LGI2: variants seen among roughly 807,000 people sequenced by gnomAD.
LGI2 encodes leucine-rich repeat LGI family member 2.
A neutral mutation model predicts 52.0 loss-of-function variants in LGI2; 30 were observed. That is an observed-to-expected ratio of 0.58 (90% CI 0.43 to 0.78). The LOEUF (loss-of-function observed/expected upper bound fraction) is 0.78. Ranked by LOEUF, LGI2 falls within the 30% of genes least tolerant of loss-of-function variation. The pLI is 0.00. For synonymous variants in LGI2, 270 were observed against 271.8 expected, an observed-to-expected ratio of 0.99 and a Z score of 0.06; for missense variants, 573 against 692.5, an observed-to-expected ratio of 0.83 and a Z score of 1.94.
downstream of LGI2, among the ~76,000 whole-genome samples, chr4:24,996,567 C>T (rs893466989): frequency 1.3e-5 from 2 of 152,146 alleles, no homozygotes; most frequent in African/African-American, 2.4e-5. Context: ...AGCTGGGGCC[C>T]GGGACAAGCA....
At chr4:25,029,621 G>C (rs1560296536) in intron 1 of LGI2, among the ~76,000 whole-genome samples, 1 of 152,344 alleles carries the variant, frequency 6.6e-6, no homozygotes, top group South Asian at 2.1e-4. Context: ...TGTGAGAGCT[G>C]GTCATTTGGC....
chr4:24,995,740 G>T (rs960502791), downstream of LGI2, among the ~76,000 whole-genome samples: 3 of 152,210 alleles, frequency 2.0e-5, no homozygotes, highest in African/African-American at 7.2e-5. Context: ...CTTGAAGGGA[G>T]GGGCACCAAA....
Position 25,004,215 on chromosome 4 carries a change from C to A in LGI2, c.874G>T (p.Val292Leu), listed in dbSNP as rs779121137. 4 of 1,614,116 alleles carry A rather than the reference C, an allele frequency of 2.5e-6. No individual in the cohort carries two copies. Among genetic ancestry groups the A allele is most frequent in the Non-Finnish European group, 3.4e-6 (4 of 1,180,016 alleles). ...GAGCCACCGAAGAGCTGGGCTACCA[C>A]CACAAAGACCTGATCATCGATGAGA... ...AILIDDQVFV[V>L]VAQLFGGSHI... Residue 292 changes from valine to leucine, a missense_variant, in exon 8 of 8, where the codon GTG becomes TTG. Transcript: ENST00000382114. This position sits in a 1 kb window ranked among gnomAD's most constrained non-coding sequence, Gnocchi z 4.6.
rs12648019 is a variant in LGI2 at position 25,000,986 on chromosome 4, A to T, written c.*2465T>A. The T allele has an allele frequency of 0.47, 71,790 of 151,722 alleles. 17,455 individuals carry two copies. Among genetic ancestry groups the T allele is most frequent in the East Asian group, 0.77 (3,965 of 5,152 alleles). The allele number at this position is 151,722 out of a possible 1,614,324, so 9.4% of individuals were successfully genotyped here. On this transcript the variant is annotated 3_prime_UTR_variant, in exon 8 of 8. Coordinates refer to ENST00000382114, the MANE Select transcript of LGI2 (RefSeq NM_018176.4). ...GGCCAGAACAAATATCTCCTTCCAC[A>T]GCACAGGCGCTCTGTAGACTACAGG...
At chr4:25,010,334 C>A (rs1013571619) in intron 7 of LGI2, among the ~76,000 whole-genome samples, 1 of 152,074 alleles carries the variant, frequency 6.6e-6, no homozygotes, top group Admixed American at 6.5e-5. Flanking sequence ...CAAGGTCAAC[C>A]TGGGAGAGAA....
the LGI2 span, among the ~76,000 whole-genome samples, chr4:24,993,301 G>C: frequency 6.6e-6 from 1 of 152,140 alleles, no homozygotes; most frequent in Non-Finnish European, 1.5e-5. Context: ...CTTCAGCTGT[G>C]TGACCCGGGG....
intron 4 of LGI2, among the ~76,000 whole-genome samples, chr4:25,021,496 C>CG (rs1420407424): frequency 1.3e-5 from 2 of 152,164 alleles, no homozygotes; most frequent in East Asian, 3.8e-4. Flanking sequence ...TCCGTAAGCA[C>CG]GGGGGTGAAC....
chr4:25,026,943 AAAGT>A lies in LGI2; in HGVS notation c.270-8_270-5del. The A allele has an allele frequency of 6.2e-7, 1 of 1,608,296 alleles. No individual in the cohort carries two copies. The highest frequency in any genetic ancestry group is 8.5e-7 in the Non-Finnish European group (1 of 1,174,660). On this transcript the variant is annotated splice_polypyrimidine_tract_variant and splice_region_variant and intron_variant, in intron 2 of 7. Coordinates refer to ENST00000382114, the MANE Select transcript of LGI2 (RefSeq NM_018176.4). ...GAATGAGTTAGAATTCAGCAATCTG[AAAGT>A]AAGAGACAGATTCCAATGGAGAGAT...
downstream of LGI2, among the ~76,000 whole-genome samples, chr4:24,994,546 A>G (rs2109394497): frequency 6.6e-6 from 1 of 152,162 alleles, no homozygotes; most frequent in African/African-American, 2.4e-5. Flanking sequence ...ACACGCTAAA[A>G]CCAATCTCAC....
At chr4:25,026,596 C>T (rs1726158767) in intron 3 of LGI2, among the ~76,000 whole-genome samples, 1 of 152,152 alleles carries the variant, frequency 6.6e-6, no homozygotes, top group African/African-American at 2.4e-5. Context: ...TCCAATTGTG[C>T]TTACTACATG....
chr4:25,004,570 T>C lies in LGI2; in HGVS notation c.821-302A>G, dbSNP rs1170165003. 1.3e-5 allele frequency among the ~76,000 whole-genome samples: 2 copies of C among 152,206 alleles called. No homozygotes were observed. The highest frequency in any genetic ancestry group is 2.9e-5 in the Non-Finnish European group (2 of 68,032). ...TGATGAAACCTCATCTCCAATGTGA[T>C]GGTATTTGGTGGTGGGGCCTTTGGG... On this transcript the variant is annotated intron_variant, in intron 7 of 7. Transcript: ENST00000382114. The surrounding 1 kb of genome is among the most constrained non-coding windows in gnomAD (Gnocchi z 4.6).
intron 6 of LGI2, 101 bp from the exon 7 acceptor site, chr4:25,012,600 T>G: frequency 8.0e-7 from 1 of 1,249,286 alleles, no homozygotes; most frequent in Admixed American, 2.0e-5. Flanking sequence ...TGAAAAGGAC[T>G]GGGGAGGAGG....
At chr4:25,021,956 C>A (rs1413353825) in intron 4 of LGI2, among the ~76,000 whole-genome samples, 1 of 150,858 alleles carries the variant, frequency 6.6e-6, no homozygotes, top group Non-Finnish European at 1.5e-5. Flanking sequence ...AAAACAAAGC[C>A]ACCTGACTTG....
rs9998936 is a variant in LGI2, at chr4:25,000,440, G to A, written c.*3011C>T. 0.49 allele frequency: 72,305 copies of A among 146,788 alleles called. 17,695 individuals are homozygous for A. Among genetic ancestry groups the A allele is most frequent in the East Asian group, 0.77 (4,000 of 5,184 alleles). 9.1% of individuals were successfully genotyped at this position (146,788 alleles called of 1,614,324 possible). A position where few individuals can be genotyped will look rare whatever the true frequency, so the allele number is the denominator to read the frequency against. ...AGCTATTTATGAACAAATGAGGTGA[G>A]TACTAATGTGCATTGGAAAAATATA... On this transcript the variant is annotated 3_prime_UTR_variant, in exon 8 of 8. Transcript: ENST00000382114.
In LGI2 at chr4:25,026,959, T is replaced by A. The variant is rs755682082; in HGVS notation, c.270-20A>T. On this transcript the variant is annotated intron_variant, in intron 2 of 7. Coordinates refer to ENST00000382114, the MANE Select transcript of LGI2 (RefSeq NM_018176.4). Reference sequence around the variant, plus strand: ...AGCAATCTGAAAGTAAGAGACAGATTCCAATGGAGAGATGTAAAACTTGAG... The same window carrying A: ...AGCAATCTGAAAGTAAGAGACAGATACCAATGGAGAGATGTAAAACTTGAG... 8 of 1,582,448 alleles carry A rather than the reference T, an allele frequency of 5.1e-6. No individual in the cohort carries two copies. Among genetic ancestry groups the A allele is most frequent in the Non-Finnish European group, 6.1e-6 (7 of 1,151,146 alleles).
intron 6 of LGI2, among the ~76,000 whole-genome samples, chr4:25,015,720 A>G (rs1725736533): frequency 6.6e-6 from 1 of 150,682 alleles, no homozygotes; most frequent in African/African-American, 2.4e-5. Flanking sequence ...CCACGCCCCT[A>G]CTCCCCATCT....
At chr4:25,005,722 G>A (rs1326246320) in intron 7 of LGI2, among the ~76,000 whole-genome samples, 2 of 152,086 alleles carry the variant, frequency 1.3e-5, no homozygotes, top group African/African-American at 2.4e-5. Flanking sequence ...ATTTCTGAGT[G>A]TTCTTGAAGA....
In LGI2 at chr4:25,004,081, G is replaced by C. The variant is rs2232024; in HGVS notation, c.1008C>G (p.Asp336Glu). 2.5e-6 allele frequency: 4 copies of C among 1,614,160 alleles called. No individual in the cohort carries two copies. Among genetic ancestry groups the C allele is most frequent in the Non-Finnish European group, 3.4e-6 (4 of 1,180,036 alleles). Residue 336 changes from aspartate to glutamate, a missense_variant, in exon 8 of 8, where the codon GAC (aspartate) becomes GAG (glutamate). Coordinates refer to ENST00000382114, the MANE Select transcript of LGI2 (RefSeq NM_018176.4). The surrounding 1 kb of genome is among the most constrained non-coding windows in gnomAD (Gnocchi z 4.6). ...TGTCTGCGATGACAAAGAACGTCTC[G>C]TCGTCGATCTGAAACAGCTCGATGT... ...PNDIELFQID[D>E]ETFFVIADSS...
Position 25,030,362 on chromosome 4 carries a change from C to G in LGI2, c.197+135G>C, listed in dbSNP as rs540361203. The G allele has an allele frequency of 3.3e-6, 3 of 913,038 alleles. No individual in the cohort carries two copies. The African/African-American group carries it at 5.1e-5, about 16-fold the overall frequency. 56.6% of individuals were successfully genotyped at this position (913,038 alleles called of 1,614,324 possible). A position where few individuals can be genotyped will look rare whatever the true frequency, so the allele number is the denominator to read the frequency against. On this transcript the variant is annotated intron_variant, in intron 1 of 7. Coordinates refer to ENST00000382114, the MANE Select transcript of LGI2 (RefSeq NM_018176.4). ...CCGGGGGCCAACACTCCACCCACGTCCCCCACACAAAGGCAAAGAAGGGGC... is the reference window on the plus strand; with the variant it reads ...CCGGGGGCCAACACTCCACCCACGTGCCCCACACAAAGGCAAAGAAGGGGC...
Sources: gnomAD v4.1 joint callset for allele counts (sites outside exome capture counted in the v4.1 genomes callset) on GRCh38, gnomAD v4.1.1 for gene constraint, Gnocchi (gnomAD v3.1) non-coding constraint, MANE v1.5 for transcripts, NCBI Gene and HGNC (gene_info 2026-07-23, HGNC 2026-07-21) for gene names.